Variants in JCAD observed in about 807,000 individuals in gnomAD.
The protein encoded by JCAD is junctional cadherin 5-associated protein.
JCAD carries 40 observed loss-of-function variants against 98.0 expected under a neutral mutation model. That is an observed-to-expected ratio of 0.41 (90% CI 0.32 to 0.53). The LOEUF is 0.53. JCAD is among the 20% of genes least tolerant of loss of function. The pLI, the probability that JCAD is intolerant of heterozygous loss-of-function variation, is 0.31. For missense variants in JCAD, 1,705 were observed against 1,738.1 expected (o/e 0.98, Z 0.34); for synonymous variants, 691 against 682.3 (o/e 1.01, Z -0.20).
At chr10:30,035,468 G>A (rs537021478) in intron 2 of JCAD, among the ~76,000 whole-genome samples, 230 of 152,360 alleles carry the variant, frequency 1.5e-3, no homozygotes, top group African/African-American at 5.2e-3. Context: ...TACCTAGCAA[G>A]GGCTGGGCTC....
intron 2 of JCAD, among the ~76,000 whole-genome samples, chr10:30,068,390 CAAA>C (rs34060997): frequency 8.3e-5 from 4 of 48,212 alleles, no homozygotes; most frequent in East Asian, 5.8e-4. Flanking sequence ...AACTCTGTCT[CAAA>C]AAAAAAAAAA....
upstream of JCAD, among the ~76,000 whole-genome samples, chr10:30,063,392 C>T (rs1382137726): frequency 4.6e-5 from 7 of 151,934 alleles, no homozygotes; most frequent in African/African-American, 9.7e-5. Flanking sequence ...AATGTTTAAC[C>T]GCCTGCTTAA....
chr10:30,056,780 A>T (rs1837577606), intron 1 of JCAD, among the ~76,000 whole-genome samples: 1 of 152,210 alleles, frequency 6.6e-6, no homozygotes, highest in Admixed American at 6.5e-5. Context: ...TTTTAACAAG[A>T]CATCTTCAAT....
intron 2 of JCAD, among the ~76,000 whole-genome samples, chr10:30,039,224 T>TGG (rs1837189597): frequency 6.6e-6 from 1 of 152,214 alleles, no homozygotes; most frequent in African/African-American, 2.4e-5. Context: ...ATGATCATCC[T>TGG]GGGAGCATCC....
chr10:30,087,171 G>A (rs1007466636), intron 1 of JCAD, among the ~76,000 whole-genome samples: 13 of 152,164 alleles, frequency 8.5e-5, no homozygotes, highest in Admixed American at 3.3e-4. Flanking sequence ...GGCCAGGCAC[G>A]GTAGCTCACG....
At chr10:30,054,600 A>G (rs1837530232) in intron 1 of JCAD, among the ~76,000 whole-genome samples, 1 of 151,966 alleles carries the variant, frequency 6.6e-6, no homozygotes, top group Non-Finnish European at 1.5e-5. Context: ...TAATTAAGTT[A>G]TATATAACTA....
At chr10:30,053,117 C>T (rs975670594) in intron 1 of JCAD, among the ~76,000 whole-genome samples, 1 of 151,748 alleles carries the variant, frequency 6.6e-6, no homozygotes, top group East Asian at 1.9e-4. Context: ...TGCCATTATT[C>T]ACTTATGAGA....
intron 2 of JCAD, among the ~76,000 whole-genome samples, chr10:30,038,688 T>TAA (rs11402293): frequency 0.03 from 3,638 of 122,002 alleles, 227 homozygotes; most frequent in African/African-American, 0.098. Flanking sequence ...TGTCTCAAAA[T>TAA]AAAAAAAAAA....
In JCAD at chr10:30,032,795, C is replaced by A. The variant is rs1837030008; in HGVS notation, c.282-2929G>T. 2.0e-5 allele frequency among the ~76,000 whole-genome samples: 3 copies of A among 152,186 alleles called. No individual in the cohort carries two copies. The South Asian group carries it at 6.2e-4, about 32-fold the overall frequency. ...GGTATTATGTGAACATTTCCTGACA[C>A]TTGTAGCACAAACAGCAGCAGCTGC... On this transcript the variant is annotated intron_variant, in intron 2 of 3. Coordinates refer to ENST00000375377, the MANE Select transcript of JCAD (RefSeq NM_020848.4).
Position 30,029,974 on chromosome 10 carries a change from G to A in JCAD, c.282-108C>T, listed in dbSNP as rs2132620278. 5.5e-6 allele frequency: 7 copies of A among 1,262,114 alleles called. No homozygotes were observed. In the East Asian group the frequency reaches 1.5e-4, roughly 27 times the overall value. The allele number at this position is 1,262,114 out of a possible 1,614,324, so 78.2% of individuals were successfully genotyped here. On this transcript the variant is annotated intron_variant, in intron 2 of 3. Transcript: ENST00000375377. ...TCAGGTCAGCAACTTTGAAAACTTG[G>A]TTCCCAGCCACAGTACTTGCCAGCT... is the stretch of plus-strand genomic sequence containing the variant.
At chr10:30,053,406 C>CAAA (rs1410649170) in intron 1 of JCAD, among the ~76,000 whole-genome samples, 4 of 151,706 alleles carry the variant, frequency 2.6e-5, no homozygotes, top group Non-Finnish European at 5.9e-5. Context: ...ACTAAAAATA[C>CAAA]AAAAATTAGC....
At chr10:30,051,313 T>C (rs1837467382) in intron 1 of JCAD, among the ~76,000 whole-genome samples, 1 of 114,372 alleles carries the variant, frequency 8.7e-6, no homozygotes, top group Non-Finnish European at 1.9e-5. Context: ...CACACAAGAG[T>C]TGATGCCTCA....
chr10:30,089,556 T>C (rs1052066963), intron 1 of JCAD, among the ~76,000 whole-genome samples: 1 of 134,626 alleles, frequency 7.4e-6, no homozygotes, highest in Admixed American at 7.2e-5. Context: ...GTGTGTTTGC[T>C]ACTAATGGCT....
chr10:30,110,854 G>A (rs1195243983), intron 1 of JCAD, among the ~76,000 whole-genome samples: 1 of 151,466 alleles, frequency 6.6e-6, no homozygotes, highest in Admixed American at 6.6e-5. Flanking sequence ...AGATATATGG[G>A]CCAGCTGATG....
chr10:30,093,538 G>A (rs866417800), intron 1 of JCAD, among the ~76,000 whole-genome samples: 14 of 152,208 alleles, frequency 9.2e-5, no homozygotes, highest in Admixed American at 2.6e-4. Context: ...TTGCTGGCTC[G>A]CTGCATTAAT....
intron 1 of JCAD, among the ~76,000 whole-genome samples, chr10:30,056,267 C>T (rs1837568296): frequency 6.6e-6 from 1 of 152,020 alleles, no homozygotes; most frequent in Non-Finnish European, 1.5e-5. Flanking sequence ...TTTTAAATAT[C>T]TTCAGAATAA....
intron 1 of JCAD, among the ~76,000 whole-genome samples, chr10:30,092,034 C>CAAA (rs1198107053): frequency 8.5e-5 from 3 of 35,410 alleles, no homozygotes; most frequent in African/African-American, 1.4e-4. Flanking sequence ...TCCCCCACCA[C>CAAA]AAAAAAAAAA....
rs1836537205 is a variant in JCAD, at chr10:30,016,437, A to T, written c.*1446T>A. The T allele has an allele frequency of 1.3e-5, 2 of 151,934 alleles. No individual in the cohort carries two copies. The highest frequency in any genetic ancestry group is 2.4e-5 in the African/African-American group (1 of 41,354). 9.4% of individuals were successfully genotyped at this position (151,934 alleles called of 1,614,324 possible). A position where few individuals can be genotyped will look rare whatever the true frequency, so the allele number is the denominator to read the frequency against. On this transcript the variant is annotated 3_prime_UTR_variant, in exon 4 of 4. Coordinates refer to ENST00000375377, the MANE Select transcript of JCAD (RefSeq NM_020848.4). The stretch of plus-strand genomic sequence containing the variant: ...GGGAGGGAGGGGAAATGATTTAGGG[A>T]ATGTTAGTTGTCAGGAATACCTTAC...
intron 1 of JCAD, among the ~76,000 whole-genome samples, chr10:30,102,271 C>A (rs972790058): frequency 6.6e-6 from 1 of 152,114 alleles, no homozygotes; most frequent in African/African-American, 2.4e-5. Flanking sequence ...TGGGTTCAAG[C>A]AATTCTCCTG....
Sources: gnomAD v4.1 joint callset for allele counts (sites outside exome capture counted in the v4.1 genomes callset) on GRCh38, gnomAD v4.1.1 for gene constraint, MANE v1.5 for transcripts, NCBI Gene and HGNC (gene_info 2026-07-23, HGNC 2026-07-21) for gene names.